Variants in TRIM75 observed in about 807,000 individuals in gnomAD.
TRIM75 encodes tripartite motif containing 75, also known as tripartite motif-containing protein 75.
chr4:165,058,546 A>G, the TRIM75 span, among the ~76,000 whole-genome samples: 1 of 152,098 alleles, frequency 6.6e-6, no homozygotes, highest in African/African-American at 2.4e-5. Flanking sequence ...GGTGGTCTCT[A>G]TGCCTCAGGG....
At chr4:165,059,351 C>A in the TRIM75 span, 4 of 780,520 alleles carry the variant, frequency 5.1e-6, no homozygotes, top group Admixed American at 5.1e-5. Context: ...TCAGGAGCAA[C>A]ACCCAGCTGG....
the TRIM75 span, chr4:165,059,459 G>A: frequency 1.3e-6 from 1 of 780,916 alleles, no homozygotes; most frequent in Non-Finnish European, 2.4e-6. Flanking sequence ...ACCAGCCCCT[G>A]AGCGTTTTCT....
chr4:165,060,477 G>A, the TRIM75 span: 14 of 779,694 alleles, frequency 1.8e-5, no homozygotes, highest in Non-Finnish European at 3.4e-5. Context: ...CACTTTTACT[G>A]GGCCTCTTCG....
the TRIM75 span, chr4:165,060,175 A>C: frequency 2.6e-6 from 2 of 780,776 alleles, no homozygotes; most frequent in Admixed American, 1.7e-5. Context: ...GGTTTTCCGT[A>C]TTTTCATTCT....
the TRIM75 span, chr4:165,060,155 AGTT>A: frequency 5.1e-6 from 4 of 780,814 alleles, no homozygotes; most frequent in African/African-American, 5.1e-5. Flanking sequence ...CAGTCAAGCC[AGTT>A]GTTCTGGGTT....
the TRIM75 span, among the ~76,000 whole-genome samples, chr4:165,056,602 C>CTTTTTTTTTT: frequency 1.0e-4 from 7 of 69,992 alleles, 1 homozygote; most frequent in Admixed American, 1.8e-4. Flanking sequence ...GTCTCTGTCT[C>CTTTTTTTTTT]TTTTTTTTTT....
chr4:165,059,837 C>T, the TRIM75 span: 3 of 780,854 alleles, frequency 3.8e-6, no homozygotes, highest in South Asian at 2.7e-5. Context: ...GTGCCACACT[C>T]AAAAGCCAGT....
chr4:165,055,923 C>CT, the TRIM75 span, among the ~76,000 whole-genome samples: 122,375 of 135,626 alleles, frequency 0.9, 55,466 homozygotes, highest in Non-Finnish European at 0.94. Flanking sequence ...CTCTCTCTCC[C>CT]TTTTTTTTTT....
At chr4:165,058,315 C>G in the TRIM75 span, among the ~76,000 whole-genome samples, 1 of 151,986 alleles carries the variant, frequency 6.6e-6, no homozygotes, top group South Asian at 2.1e-4. Flanking sequence ...ACTACAGGTG[C>G]GCACCATCAT....
chr4:165,054,458 AG>A, the TRIM75 span, among the ~76,000 whole-genome samples: 1 of 152,054 alleles, frequency 6.6e-6, no homozygotes, highest in Non-Finnish European at 1.5e-5. Flanking sequence ...CAGTAGAAAC[AG>A]GGTTTCACCA....
At chr4:165,058,263 G>A in the TRIM75 span, among the ~76,000 whole-genome samples, 1 of 152,176 alleles carries the variant, frequency 6.6e-6, no homozygotes, top group African/African-American at 2.4e-5. Context: ...GACCTCTGTG[G>A]CTCAAGGATT....
the TRIM75 span, among the ~76,000 whole-genome samples, chr4:165,054,484 G>C: frequency 1.3e-5 from 2 of 152,074 alleles, no homozygotes; most frequent in African/African-American, 4.8e-5. Context: ...GGCCAGTATG[G>C]TCTCGATCTT....
the TRIM75 span, among the ~76,000 whole-genome samples, chr4:165,054,851 C>G: frequency 2.0e-5 from 3 of 152,060 alleles, no homozygotes; most frequent in Non-Finnish European, 4.4e-5. Context: ...TGACTGATAT[C>G]TGTCTGGGAA....
chr4:165,054,266 A>ATTTTTTTT, the TRIM75 span, among the ~76,000 whole-genome samples: 2 of 96,878 alleles, frequency 2.1e-5, no homozygotes, highest in African/African-American at 3.8e-5. Context: ...TAATTTGTGT[A>ATTTTTTTT]TTTTTTTTTT....
the TRIM75 span, chr4:165,059,533 A>G: frequency 1.3e-6 from 1 of 780,930 alleles, no homozygotes; most frequent in East Asian, 2.4e-5. Flanking sequence ...CAGGGCCACC[A>G]TGTGAGGCCC....
chr4:165,055,752 G>A, the TRIM75 span, among the ~76,000 whole-genome samples: 1 of 152,118 alleles, frequency 6.6e-6, no homozygotes, highest in Non-Finnish European at 1.5e-5. Flanking sequence ...GATGCCTCAG[G>A]GCGAGAGAAT....
the TRIM75 span, among the ~76,000 whole-genome samples, chr4:165,054,694 C>T: frequency 6.6e-6 from 1 of 152,206 alleles, no homozygotes; most frequent in African/African-American, 2.4e-5. Flanking sequence ...ACTACCGCGC[C>T]TGCGGCATAA....
chr4:165,057,447 T>C, the TRIM75 span, among the ~76,000 whole-genome samples: 1 of 152,200 alleles, frequency 6.6e-6, no homozygotes, highest in Non-Finnish European at 1.5e-5. Flanking sequence ...GTTTGAATAT[T>C]TGTTCAAGTC....
chr4:165,058,089 C>T, the TRIM75 span, among the ~76,000 whole-genome samples: 36 of 152,126 alleles, frequency 2.4e-4, no homozygotes, highest in African/African-American at 8.0e-4. Flanking sequence ...TCTTCTGTGG[C>T]CTATTCAACT....
Sources: gnomAD v4.1 joint callset for allele counts (sites outside exome capture counted in the v4.1 genomes callset) on GRCh38, gnomAD v4.1.1 for gene constraint, MANE v1.5 for transcripts, NCBI Gene and HGNC (gene_info 2026-07-23, HGNC 2026-07-21) for gene names.